The following HCFC2 variants were observed in gnomAD, a reference collection of about 807,000 sequenced individuals.
The protein encoded by HCFC2 is host cell factor 2.
A neutral mutation model predicts 89.2 loss-of-function variants in HCFC2; 18 were observed. The ratio of observed to expected loss-of-function variants is 0.20; its 90% CI spans 0.14 to 0.30. HCFC2 has a LOEUF of 0.30. Ranked by LOEUF, HCFC2 falls within the 10% of genes least tolerant of loss-of-function variation. HCFC2 has a pLI of 1.00. For synonymous variants in HCFC2, 308 were observed against 335.7 expected, an observed-to-expected ratio of 0.92 and a Z score of 0.90; for missense variants, 578 against 956.1, an observed-to-expected ratio of 0.60 and a Z score of 5.21.
chr12:104,100,033 T>C (rs762044169), intron 13 of HCFC2, among the ~76,000 whole-genome samples: 1 of 152,210 alleles, frequency 6.6e-6, no homozygotes. Context: ...GCTCTAATTT[T>C]GTTAACCGGT....
intron 9 of HCFC2, among the ~76,000 whole-genome samples, chr12:104,090,704 T>G (rs1242295053): frequency 6.6e-6 from 1 of 150,874 alleles, no homozygotes; most frequent in Non-Finnish European, 1.5e-5. Flanking sequence ...ACTTCAAAAA[T>G]TTTGGAGTTT....
At position 104,083,010 on chromosome 12, in the gene HCFC2, G is replaced by A; in HGVS notation, c.1063+109G>A. The A allele has an allele frequency of 4.1e-6, 3 of 733,584 alleles. No individual in the cohort carries two copies. The South Asian group carries it at 5.6e-5, about 14-fold the overall frequency. 45.4% of individuals were successfully genotyped at this position (733,584 alleles called of 1,614,324 possible). A position where few individuals can be genotyped will look rare whatever the true frequency, so the allele number is the denominator to read the frequency against. ...ACTACCTCTTGTTTCCCATAATTAA[G>A]TATGAATGGAAGAAACAATATGTAT... On this transcript the variant is annotated intron_variant, in intron 7 of 14. Transcript: ENST00000229330.
At chr12:104,088,173 A>G (rs1593604948) in intron 9 of HCFC2, 135 bp downstream of exon 9, 8 of 379,624 alleles carry the variant, frequency 2.1e-5, no homozygotes, top group Middle Eastern at 7.1e-4. Flanking sequence ...TCTCTGAGGT[A>G]AACAAACAAA....
Position 104,082,717 on chromosome 12 carries a change from A to T in HCFC2, c.879A>T (p.Thr293=). 2 of 1,610,992 alleles carry T rather than the reference A, an allele frequency of 1.2e-6. No individual in the cohort carries two copies. The highest frequency in any genetic ancestry group is 1.7e-6 in the Non-Finnish European group (2 of 1,178,908). ...TGGATATTTCTATCTTTTCAGATAC[A>T]ACAGAGTGGACCACCCTAGTATCAG... ...TSSFSYLNLD[T]TEWTTLVSDS... is the part of the protein sequence containing the mutation. The change falls in exon 7 of 15, where the codon ACA becomes ACT. Residue 293 remains threonine, a synonymous_variant. Transcript: ENST00000229330.
At chr12:104,071,764 T>C (rs1473707318) in intron 3 of HCFC2, among the ~76,000 whole-genome samples, 1 of 152,218 alleles carries the variant, frequency 6.6e-6, no homozygotes, top group African/African-American at 2.4e-5. Flanking sequence ...CTACACTATT[T>C]TACATTCCCA....
chr12:104,082,007 T>C (rs1404153125), intron 5 of HCFC2, among the ~76,000 whole-genome samples: 1 of 152,004 alleles, frequency 6.6e-6, no homozygotes, highest in East Asian at 1.9e-4. Context: ...TGAGCCTTTC[T>C]CTTCCAGCAG....
chr12:104,082,385 GAA>G, intron 5 of HCFC2, 113 bp from the exon 6 acceptor site: 1 of 646,326 alleles, frequency 1.5e-6, no homozygotes, highest in Non-Finnish European at 2.7e-6. Flanking sequence ...GTAAGCGAAT[GAA>G]TAGTTCTGAA....
intron 2 of HCFC2, among the ~76,000 whole-genome samples, chr12:104,066,717 C>G (rs1381013408): frequency 6.6e-6 from 1 of 152,224 alleles, no homozygotes; most frequent in Non-Finnish European, 1.5e-5. Context: ...CTGGGTCCTA[C>G]CCAGAGAGTT....
rs1221936911 is a variant in HCFC2, at chr12:104,068,895, T to TA, written c.473+789dup. On this transcript the variant is annotated intron_variant, in intron 3 of 14. Transcript: ENST00000229330. This position sits in a 1 kb window ranked among gnomAD's most constrained non-coding sequence, Gnocchi z 4.1. ...AAATTTTATTTGTGTAAATTTAAGGTATATAACATGATGGTATAAGATAGA... is the reference window on the plus strand; with the variant it reads ...AAATTTTATTTGTGTAAATTTAAGGTAATATAACATGATGGTATAAGATAGA... Among the ~76,000 whole-genome samples, 2 of 152,148 alleles carry TA rather than the reference T, an allele frequency of 1.3e-5. No homozygotes were observed. The highest frequency in any genetic ancestry group is 4.8e-5 in the African/African-American group (2 of 41,418).
chr12:104,084,920 T>C (rs1219578143), intron 7 of HCFC2, among the ~76,000 whole-genome samples: 1 of 152,126 alleles, frequency 6.6e-6, no homozygotes, highest in African/African-American at 2.4e-5. Flanking sequence ...ACAGGGAAGA[T>C]TGAGAGAAAA....
intron 3 of HCFC2, among the ~76,000 whole-genome samples, chr12:104,075,099 A>G (rs923736404): frequency 6.6e-6 from 1 of 152,046 alleles, no homozygotes; most frequent in African/African-American, 2.4e-5. Flanking sequence ...ACGCACCTAT[A>G]GTCCCAGCTG....
chr12:104,082,660 T>C (rs1321454262), intron 6 of HCFC2, 53 bp from the exon 7 acceptor site: 3 of 1,576,684 alleles, frequency 1.9e-6, no homozygotes, highest in South Asian at 1.2e-5. Flanking sequence ...AAGATAATTT[T>C]TGTAATTTTG....
At chr12:104,081,017 GCTCT>G (rs1281981555) in intron 5 of HCFC2, among the ~76,000 whole-genome samples, 187 bp downstream of exon 5, 1 of 152,152 alleles carries the variant, frequency 6.6e-6, no homozygotes, top group Non-Finnish European at 1.5e-5. Context: ...ATTTTCTTAT[GCTCT>G]CTCTTTTACT....
At chr12:104,099,762 C>T (rs914121934) in intron 13 of HCFC2, among the ~76,000 whole-genome samples, 4 of 152,120 alleles carry the variant, frequency 2.6e-5, no homozygotes, top group Non-Finnish European at 2.9e-5. Context: ...ACCTCCTGGG[C>T]TTAAGTTATC....
chr12:104,102,229 AGAAATT>A, intron 14 of HCFC2, 76 bp downstream of exon 14: 2 of 1,302,784 alleles, frequency 1.5e-6, no homozygotes, highest in Non-Finnish European at 2.1e-6. Flanking sequence ...CTGTCAGTTT[AGAAATT>A]CTTGTTACCA....
chr12:104,087,217 G>C (rs1883879595), intron 8 of HCFC2, among the ~76,000 whole-genome samples: 1 of 151,724 alleles, frequency 6.6e-6, no homozygotes, highest in African/African-American at 2.4e-5. Context: ...TAGCGGGTAT[G>C]GTGGTGCATA....
intron 2 of HCFC2, 70 bp from the exon 3 acceptor site, chr12:104,067,877 T>C (rs1319589861): frequency 2.5e-5 from 35 of 1,373,784 alleles, no homozygotes. Flanking sequence ...GATATGATGT[T>C]GCACTATTGA....
Position 104,096,358 on chromosome 12 carries a change from A to C in HCFC2, c.1667-2A>C. On this transcript the variant is annotated splice_acceptor_variant, in intron 11 of 14. Coordinates refer to ENST00000229330, the MANE Select transcript of HCFC2 (RefSeq NM_013320.3). LOFTEE classifies it high-confidence loss of function. ...TTATCTGATAAATTGTTTAATTTTTAGTTGATGAAACATATGCACTGCCTG... is the reference window on the plus strand; with the variant it reads ...TTATCTGATAAATTGTTTAATTTTTCGTTGATGAAACATATGCACTGCCTG... 1 of 1,581,992 alleles carries C rather than the reference A, an allele frequency of 6.3e-7. No individual in the cohort carries two copies. Among genetic ancestry groups the C allele is most frequent in the Non-Finnish European group, 8.6e-7 (1 of 1,158,924 alleles).
chr12:104,079,569 A>G lies in HCFC2; in HGVS notation c.598A>G (p.Lys200Glu). 2 of 1,614,084 alleles carry G rather than the reference A, an allele frequency of 1.2e-6. No individual in the cohort carries two copies. The highest frequency in any genetic ancestry group is 1.7e-6 in the Non-Finnish European group (2 of 1,179,948). ...RESHTAVIYCKKDSGSPKMYV... is the reference protein window; with the variant it reads ...RESHTAVIYCEKDSGSPKMYV... ...ATCCCACACAGCTGTTATATATTGC[A>G]AAAAAGATTCTGGAAGTCCTAAAAT... The change falls in exon 4 of 15, where the codon AAA becomes GAA. Residue 200 changes from lysine to glutamate, a missense_variant. By Grantham distance (56) the Lys-to-Glu change is moderately conservative. Coordinates refer to ENST00000229330, the MANE Select transcript of HCFC2 (RefSeq NM_013320.3).
Sources: gnomAD v4.1 joint callset for allele counts (sites outside exome capture counted in the v4.1 genomes callset) on GRCh38, gnomAD v4.1.1 for gene constraint, Gnocchi (gnomAD v3.1) non-coding constraint, MANE v1.5 for transcripts, NCBI Gene and HGNC (gene_info 2026-07-23, HGNC 2026-07-21) for gene names.